ZNF521: variants seen among roughly 807,000 people sequenced by gnomAD.
The protein encoded by ZNF521 is LYST-interacting protein 3.
A neutral mutation model predicts 105.5 loss-of-function variants in ZNF521; 14 were observed. The observed-to-expected ratio is 0.13, with a 90% CI of 0.09 to 0.21. ZNF521 has a LOEUF of 0.21. ZNF521 is among the 10% of genes least tolerant of loss of function. The probability of loss-of-function intolerance (pLI) is 1.00; values close to 1 mark genes in which losing one functional copy is unlikely to be tolerated. For missense variants in ZNF521, 1,233 were observed against 1,629.7 expected (o/e 0.76, Z 4.19); for synonymous variants, 635 against 606.0 (o/e 1.05, Z -0.70).
chr18:25,155,825 T>G (rs1221977513), intron 5 of ZNF521, among the ~76,000 whole-genome samples: 2 of 152,180 alleles, frequency 1.3e-5, no homozygotes, highest in East Asian at 3.9e-4. Context: ...TCCTGCCATT[T>G]GTACAACATG....
chr18:25,255,499 T>G (rs1908417426), intron 3 of ZNF521, among the ~76,000 whole-genome samples: 1 of 152,134 alleles, frequency 6.6e-6, no homozygotes, highest in African/African-American at 2.4e-5. Context: ...ACTGAATGTA[T>G]TTTTCTATAT....
intron 3 of ZNF521, among the ~76,000 whole-genome samples, chr18:25,279,276 G>A (rs1159756493): frequency 6.6e-6 from 1 of 152,122 alleles, no homozygotes; most frequent in Non-Finnish European, 1.5e-5. Flanking sequence ...ATATACTACA[G>A]CATTCTACAG....
chr18:25,232,475 T>G (rs2144759722), intron 3 of ZNF521, among the ~76,000 whole-genome samples: 1 of 152,294 alleles, frequency 6.6e-6, no homozygotes, highest in South Asian at 2.1e-4. Context: ...TAATGCAATC[T>G]CAGGAATATT....
chr18:25,079,850 T>C (rs1181400620), intron 7 of ZNF521, among the ~76,000 whole-genome samples: 1 of 152,210 alleles, frequency 6.6e-6, no homozygotes, highest in Non-Finnish European at 1.5e-5. Context: ...TTCACCCTTA[T>C]AAACTCAAAG....
chr18:25,317,641 A>C (rs1367367685), intron 3 of ZNF521, among the ~76,000 whole-genome samples: 2 of 152,182 alleles, frequency 1.3e-5, no homozygotes, highest in African/African-American at 4.8e-5. Flanking sequence ...AGCTTTGTTT[A>C]AAGCACCAGT....
At chr18:25,153,846 C>T (rs1411436734) in intron 5 of ZNF521, among the ~76,000 whole-genome samples, 1 of 152,104 alleles carries the variant, frequency 6.6e-6, no homozygotes, top group Non-Finnish European at 1.5e-5. Flanking sequence ...CTAAAGGAAG[C>T]GACAAAGGTT....
At chr18:25,129,653 A>G (rs375137825) in intron 5 of ZNF521, among the ~76,000 whole-genome samples, 2 of 151,582 alleles carry the variant, frequency 1.3e-5, no homozygotes, top group African/African-American at 4.8e-5. Context: ...AAACAACTCA[A>G]TTAGAAAGTG....
intron 5 of ZNF521, among the ~76,000 whole-genome samples, chr18:25,168,245 G>C (rs1181374317): frequency 6.6e-6 from 1 of 152,138 alleles, no homozygotes; most frequent in African/African-American, 2.4e-5. Flanking sequence ...AGTGTCTGCT[G>C]TGGGGATAGC....
intron 4 of ZNF521, among the ~76,000 whole-genome samples, chr18:25,213,166 CATT>C (rs887075466): frequency 7.1e-6 from 1 of 140,178 alleles, no homozygotes; most frequent in Non-Finnish European, 1.6e-5. Context: ...AATATAGTTA[CATT>C]ATAACATATA....
intron 2 of ZNF521, among the ~76,000 whole-genome samples, chr18:25,326,390 T>C (rs1352708469): frequency 6.6e-6 from 1 of 152,204 alleles, no homozygotes; most frequent in Non-Finnish European, 1.5e-5. Context: ...TAAGAGATCA[T>C]GTGGTTATAA....
chr18:25,345,564 G>C (rs1914425146), intron 2 of ZNF521, among the ~76,000 whole-genome samples: 1 of 152,152 alleles, frequency 6.6e-6, no homozygotes, highest in Admixed American at 6.5e-5. Flanking sequence ...TTATGAATTT[G>C]TGTGCCCTCA....
intron 5 of ZNF521, among the ~76,000 whole-genome samples, chr18:25,109,121 C>A (rs937778038): frequency 3.3e-5 from 5 of 152,068 alleles, no homozygotes; most frequent in East Asian, 1.9e-4. Context: ...AACCCTCCCC[C>A]ACTTTGGAGT....
chr18:25,167,396 A>G (rs2035363024), intron 5 of ZNF521, among the ~76,000 whole-genome samples: 1 of 152,194 alleles, frequency 6.6e-6, no homozygotes, highest in African/African-American at 2.4e-5. Context: ...TCTAAAGGTA[A>G]AATACTCCAA....
chr18:25,330,620 CA>C (rs1913512923), intron 2 of ZNF521, among the ~76,000 whole-genome samples: 1 of 152,096 alleles, frequency 6.6e-6, no homozygotes, highest in Admixed American at 6.5e-5. Context: ...AACTGAAAAC[CA>C]AAAGAGACAT....
intron 5 of ZNF521, among the ~76,000 whole-genome samples, chr18:25,119,299 AAC>A (rs1353702199): frequency 1.3e-5 from 2 of 152,192 alleles, no homozygotes; most frequent in Non-Finnish European, 2.9e-5. Context: ...TGATTTCAAC[AAC>A]ACTCTCAACC....
chr18:25,151,694 A>T (rs192203903), intron 5 of ZNF521, among the ~76,000 whole-genome samples: 6 of 152,308 alleles, frequency 3.9e-5, no homozygotes. Context: ...GAGTCAAGGC[A>T]GGCATCATGC....
At chr18:25,309,134 T>C (rs11662583) in intron 3 of ZNF521, among the ~76,000 whole-genome samples, 9,701 of 152,234 alleles carry the variant, frequency 0.064, 451 homozygotes, top group Non-Finnish European at 0.087. Flanking sequence ...AGAAGGAAGT[T>C]AGCGGTAATG....
At chr18:25,261,897 T>A (rs1300166790) in intron 3 of ZNF521, among the ~76,000 whole-genome samples, 1 of 152,194 alleles carries the variant, frequency 6.6e-6, no homozygotes, top group Non-Finnish European at 1.5e-5. Flanking sequence ...TTGGGCATTT[T>A]ACCTCATCAG....
In ZNF521 at chr18:25,203,392, G is replaced by C. The variant is rs114606831; in HGVS notation, c.3574-8148C>G. On this transcript the variant is annotated intron_variant, in intron 4 of 7. Coordinates refer to ENST00000361524, the MANE Select transcript of ZNF521 (RefSeq NM_015461.3). ...AGCATTTTGGGAGGCAGAGGTGAGAGGATCACTTGAATCCAGGAGTTCAAG... is the reference window on the plus strand; with the variant it reads ...AGCATTTTGGGAGGCAGAGGTGAGACGATCACTTGAATCCAGGAGTTCAAG... Among the ~76,000 whole-genome samples the C allele has an allele frequency of 5.1e-3, 783 of 152,240 alleles. 8 individuals are homozygous for C. The highest frequency in any genetic ancestry group is 0.018 in the African/African-American group (750 of 41,556).
Sources: allele counts gnomAD v4.1 joint callset (sites outside exome capture counted in the v4.1 genomes callset), GRCh38; gene constraint gnomAD v4.1.1; transcripts MANE v1.5; gene names NCBI Gene and HGNC (gene_info 2026-07-23, HGNC 2026-07-21).